Variants in PDE4D observed in about 807,000 individuals in gnomAD.
PDE4D encodes the protein phosphodiesterase 4D, also known as 3',5'-cyclic-AMP phosphodiesterase 4D.
Under a neutral mutation model 87.4 loss-of-function variants are expected in PDE4D, and 24 were observed. That is an observed-to-expected ratio of 0.27 (90% CI 0.20 to 0.39). PDE4D has a LOEUF of 0.39. Ranked by LOEUF, PDE4D falls within the 10% of genes least tolerant of loss-of-function variation. PDE4D has a pLI of 1.00. For synonymous variants in PDE4D, 384 were observed against 383.2 expected (o/e 1.00, Z -0.02); for missense variants, 714 against 1,041.0 (o/e 0.69, Z 4.32).
chr5:60,096,404 T>C (rs564161802), intron 2 of PDE4D, among the ~76,000 whole-genome samples: 146 of 152,174 alleles, frequency 9.6e-4, no homozygotes, highest in African/African-American at 3.4e-3. Flanking sequence ...TTATACATAA[T>C]AGAATTTTAA....
At chr5:59,727,886 G>GGAAGGAAGAGAAATAA (rs1244872477) in intron 1 of PDE4D, among the ~76,000 whole-genome samples, 1 of 151,978 alleles carries the variant, frequency 6.6e-6, no homozygotes, top group Non-Finnish European at 1.5e-5. Flanking sequence ...TATTATTATT[G>GGAAGGAAGAGAAATAA]GAAGGAAGAG....
intron 1 of PDE4D, among the ~76,000 whole-genome samples, chr5:59,407,474 G>C (rs1791903267): frequency 6.6e-6 from 1 of 152,150 alleles, no homozygotes; most frequent in Admixed American, 6.5e-5. Flanking sequence ...CAAGGAGTGG[G>C]GCATTGCTAT....
intron 1 of PDE4D, among the ~76,000 whole-genome samples, chr5:59,736,900 G>A (rs1222554903): frequency 4.6e-5 from 7 of 152,016 alleles, no homozygotes; most frequent in African/African-American, 9.7e-5. Flanking sequence ...TTTCTTCTTT[G>A]CAATTTTTGG....
chr5:60,347,906 C>T (rs1758863837), intron 1 of PDE4D, among the ~76,000 whole-genome samples: 1 of 152,170 alleles, frequency 6.6e-6, no homozygotes, highest in African/African-American at 2.4e-5. Flanking sequence ...AGAACTGTAA[C>T]CTGGACCTGG....
At chr5:60,346,052 T>G (rs1758723901) in intron 1 of PDE4D, among the ~76,000 whole-genome samples, 1 of 152,192 alleles carries the variant, frequency 6.6e-6, no homozygotes, top group African/African-American at 2.4e-5. Flanking sequence ...AACTTTAAAT[T>G]TATCACTACT....
intron 2 of PDE4D, among the ~76,000 whole-genome samples, chr5:60,053,109 A>G (rs889729188): frequency 2.0e-5 from 3 of 152,224 alleles, no homozygotes; most frequent in Non-Finnish European, 4.4e-5. Flanking sequence ...AAATGCCCAT[A>G]CTACCCAAAG....
chr5:59,205,146 C>A (rs768795616), intron 2 of PDE4D, among the ~76,000 whole-genome samples: 2 of 152,198 alleles, frequency 1.3e-5, no homozygotes, highest in African/African-American at 4.8e-5. Context: ...ACTTGCCCAA[C>A]AGAATGCTCA....
chr5:59,728,361 T>G (rs1414197256), intron 1 of PDE4D, among the ~76,000 whole-genome samples: 1 of 152,174 alleles, frequency 6.6e-6, no homozygotes, highest in Non-Finnish European at 1.5e-5. Context: ...GATCTTTGGT[T>G]TGATTTAAAA....
rs576807073 is a variant in PDE4D at position 59,576,311 on chromosome 5, A to G, written c.455+316857T>C. ...CAAGCCCTTGCCACAGACTTGGGGG[A>G]TGATTAAGTAAAATGATGTCTATAA... On this transcript the variant is annotated intron_variant, in intron 1 of 14. Transcript: ENST00000340635. 8.1e-3 allele frequency among the ~76,000 whole-genome samples: 1,229 copies of G among 152,270 alleles called. 6 individuals carry two copies. Among genetic ancestry groups the G allele is most frequent in the Middle Eastern group, 0.017 (5 of 294 alleles).
rs766490621 is a variant in PDE4D, at chr5:59,185,246, C to T, written c.701G>A (p.Arg234Gln). The T allele has an allele frequency of 1.1e-5, 18 of 1,611,858 alleles. No individual in the cohort carries two copies. In the South Asian group the frequency reaches 1.3e-4, roughly 12 times the overall value. ...TGCAGCAAAGTTGTTTCGTACAGTTCGCAGACTGGCCAAGACCTACAACAA... is the reference window on the plus strand; with the variant it reads ...TGCAGCAAAGTTGTTTCGTACAGTTTGCAGACTGGCCAAGACCTACAACAA... ...TPFAQVLASL[R>Q]TVRNNFAALT... Residue 234 changes from arginine (R) to glutamine (Q), a missense_variant, in exon 4 of 15, where the codon CGA becomes CAA. Physicochemically the swap from Arg to Gln is conservative, Grantham distance 43 (BLOSUM62 1). Around this residue, in one of 7 missense-constraint regions of PDE4D, gnomAD observed 90 missense variants for 177.6 expected, o/e 0.51. Transcript: ENST00000340635.
chr5:60,513,220 T>C (rs577763019), intron 1 of PDE4D, among the ~76,000 whole-genome samples: 124 of 152,210 alleles, frequency 8.1e-4, no homozygotes, highest in South Asian at 2.1e-3. Flanking sequence ...AGACATTTCT[T>C]AAATATATAA....
chr5:60,046,964 C>T (rs1479212615), intron 2 of PDE4D, among the ~76,000 whole-genome samples: 1 of 152,140 alleles, frequency 6.6e-6, no homozygotes, highest in African/African-American at 2.4e-5. Flanking sequence ...CCTTGTACCT[C>T]TGGTAGAATT....
At position 59,168,855 on chromosome 5, in the gene PDE4D, C is replaced by CT. The variant is rs562446535; in HGVS notation, c.808+11739dup. Among the ~76,000 whole-genome samples, 17 of 152,218 alleles carry CT rather than the reference C, an allele frequency of 1.1e-4. No individual in the cohort carries two copies. In the East Asian group the frequency reaches 3.1e-3, roughly 28 times the overall value. ...CAATCCGTACTTTGTAATTTTCTAC[C>CT]TATGTATCTTAATCAAATTATTCAA... is the stretch of plus-strand genomic sequence containing the variant. On this transcript the variant is annotated intron_variant, in intron 5 of 14. Coordinates refer to ENST00000340635, the MANE Select transcript of PDE4D (RefSeq NM_001104631.2).
At chr5:59,769,953 C>G (rs1287008928) in intron 1 of PDE4D, among the ~76,000 whole-genome samples, 1 of 152,046 alleles carries the variant, frequency 6.6e-6, no homozygotes, top group Admixed American at 6.5e-5. Flanking sequence ...ATTTTAAGTT[C>G]CAATTCCTTG....
At chr5:58,999,878 AG>A in intron 6 of PDE4D, 1 of 986,384 alleles carries the variant, frequency 1.0e-6, no homozygotes, top group Non-Finnish European at 1.2e-6. Flanking sequence ...ATGTATGTCA[AG>A]ATGCTTAGTT....
chr5:59,572,492 T>C (rs1029501718), intron 1 of PDE4D, among the ~76,000 whole-genome samples: 2 of 152,204 alleles, frequency 1.3e-5, no homozygotes, highest in Admixed American at 6.5e-5. Context: ...TTTTTGTTTT[T>C]GTTTTTGAGA....
chr5:60,075,787 G>T (rs895030115), intron 2 of PDE4D, among the ~76,000 whole-genome samples: 2 of 151,906 alleles, frequency 1.3e-5, no homozygotes, highest in African/African-American at 4.8e-5. Context: ...CTTTCCTCAG[G>T]TTGGTCTATT....
At chr5:60,469,047 T>G (rs914759747) in intron 1 of PDE4D, among the ~76,000 whole-genome samples, 2 of 152,184 alleles carry the variant, frequency 1.3e-5, no homozygotes, top group Admixed American at 6.6e-5. Flanking sequence ...TTCCTTTTAT[T>G]GCCAATCTGC....
At chr5:59,436,252 C>T (rs1796782140) in intron 1 of PDE4D, among the ~76,000 whole-genome samples, 1 of 152,118 alleles carries the variant, frequency 6.6e-6, no homozygotes, top group Non-Finnish European at 1.5e-5. Context: ...GAAGATTTAA[C>T]TATCATGAAG....
Sources: allele counts gnomAD v4.1 joint callset (sites outside exome capture counted in the v4.1 genomes callset), GRCh38; gene constraint gnomAD v4.1.1; regional missense constraint gnomAD v4.1.1; transcripts MANE v1.5; gene names NCBI Gene and HGNC (gene_info 2026-07-23, HGNC 2026-07-21).